Variants in MTRF1L observed in about 807,000 individuals in gnomAD.
MTRF1L encodes mitochondrial translation release factor 1 like, also known as peptide chain release factor 1-like, mitochondrial.
MTRF1L carries 29 observed loss-of-function variants against 40.0 expected under a neutral mutation model. The observed-to-expected ratio is 0.73, with a 90% CI of 0.54 to 0.99. The LOEUF (loss-of-function observed/expected upper bound fraction) is 0.99. Among genes scored for constraint, MTRF1L ranks in the 50% least tolerant of loss-of-function variants. The probability of loss-of-function intolerance (pLI) is 0.00; values close to 1 mark genes in which losing one functional copy is unlikely to be tolerated. For missense variants in MTRF1L, 412 were observed against 464.5 expected (o/e 0.89, Z 1.04); for synonymous variants, 150 against 175.8 (o/e 0.85, Z 1.16).
chr6:152,991,599 T>G (rs901789462), intron 5 of MTRF1L, among the ~76,000 whole-genome samples: 5 of 152,188 alleles, frequency 3.3e-5, no homozygotes, highest in African/African-American at 1.2e-4. Context: ...CAGGCTGGAG[T>G]GCAGTGGCGC....
chr6:153,001,022 CA>C (rs1778898080), intron 1 of MTRF1L, among the ~76,000 whole-genome samples: 1 of 151,948 alleles, frequency 6.6e-6, no homozygotes. Context: ...CACAGGCACG[CA>C]CCACCATGCC....
chr6:152,992,834 A>T (rs1584095916), intron 5 of MTRF1L, 23 bp downstream of exon 5: 1 of 1,549,056 alleles, frequency 6.5e-7, no homozygotes, highest in Middle Eastern at 2.3e-4. Flanking sequence ...TTGGTGTCAT[A>T]TATTGAAGGA....
In MTRF1L at chr6:152,989,696, G is replaced by A. The variant is rs1053141373; in HGVS notation, c.*199C>T. ...TTGGGAATTAACCACAATGTAAATC[G>A]AGGACCATCTGTATATTGTATGATT... On this transcript the variant is annotated 3_prime_UTR_variant, in exon 7 of 7. Transcript: ENST00000367233. The A allele has an allele frequency of 7.1e-5, 41 of 579,326 alleles. No homozygotes were observed. Among genetic ancestry groups the A allele is most frequent in the Non-Finnish European group, 1.1e-4 (40 of 352,756 alleles). The allele number at this position is 579,326 out of a possible 1,614,324, so 35.9% of individuals were successfully genotyped here. A position where few individuals can be genotyped will look rare whatever the true frequency, so the allele number is the denominator to read the frequency against.
intron 3 of MTRF1L, 98 bp from the exon 4 acceptor site, chr6:152,994,774 A>T (rs752632084): frequency 2.2e-6 from 3 of 1,381,256 alleles, no homozygotes; most frequent in Admixed American, 1.7e-5. Flanking sequence ...TTTTAAAGTC[A>T]TAAAAGGAGA....
chr6:153,000,652 C>A (rs1345942985), intron 1 of MTRF1L, among the ~76,000 whole-genome samples: 1 of 152,052 alleles, frequency 6.6e-6, no homozygotes, highest in Non-Finnish European at 1.5e-5. Flanking sequence ...TATTGTCACC[C>A]CTCTTTTCCC....
At chr6:152,997,325 TAA>T (rs1778747817) in intron 2 of MTRF1L, among the ~76,000 whole-genome samples, 1 of 152,336 alleles carries the variant, frequency 6.6e-6, no homozygotes, top group South Asian at 2.1e-4. Flanking sequence ...GTTCAGCTTA[TAA>T]AATTCTGACA....
intron 2 of MTRF1L, among the ~76,000 whole-genome samples, chr6:152,997,850 C>T (rs1778765424): frequency 6.6e-6 from 1 of 151,756 alleles, no homozygotes; most frequent in Non-Finnish European, 1.5e-5. Context: ...TTGGCTCCTC[C>T]TTTTTTTTGT....
Position 153,002,545 on chromosome 6 carries a change from G to C in MTRF1L, c.141C>G (p.Leu47=), listed in dbSNP as rs757275591. The change falls in exon 1 of 7, where the codon CTC becomes CTG. Residue 47 remains leucine, a synonymous_variant. Transcript: ENST00000367233. ...GGGCTTCAGACCCCGCCTGGCGCTC[G>C]AGGAAGGTCCGCAAGGGCCCGCCCC... ...FTRGGPLRTF[L]ERQAGSEAHL... The C allele has an allele frequency of 7.1e-5, 113 of 1,599,004 alleles. No individual in the cohort carries two copies. The highest frequency in any genetic ancestry group is 9.0e-5 in the Non-Finnish European group (106 of 1,173,944).
At position 152,995,252 on chromosome 6, in the gene MTRF1L, C is replaced by T; in HGVS notation, c.407G>A (p.Gly136Glu). ...ENDLILEVTA[G>E]VGGQEAMLFT... ...CAACATTGCCTCCTGACCTCCAACT[C>T]CTGCAGTTACTTCCAGGATCAAATC... The change falls in exon 3 of 7, where the codon GGA (glycine) becomes GAA (glutamate). Residue 136 changes from glycine (G) to glutamate (E), a missense_variant. Transcript: ENST00000367233. 6.2e-7 allele frequency: 1 copy of T among 1,609,752 alleles called. No homozygotes were observed. The highest frequency in any genetic ancestry group is 8.5e-7 in the Non-Finnish European group (1 of 1,177,652).
chr6:152,994,431 T>A, intron 4 of MTRF1L, 82 bp downstream of exon 4: 1 of 1,382,088 alleles, frequency 7.2e-7, no homozygotes, highest in Admixed American at 2.5e-5. Context: ...AGATACTCAA[T>A]TCAGTAAACT....
At chr6:152,990,328 A>AC in intron 6 of MTRF1L, 1 of 578,612 alleles carries the variant, frequency 1.7e-6, no homozygotes, top group Non-Finnish European at 2.8e-6. Flanking sequence ...ATGTTCTATG[A>AC]CCTCGGGCAA....
At chr6:152,995,822 C>T (rs1778696410) in intron 2 of MTRF1L, among the ~76,000 whole-genome samples, 1 of 152,070 alleles carries the variant, frequency 6.6e-6, no homozygotes, top group Non-Finnish European at 1.5e-5. Flanking sequence ...ATTATCTGGT[C>T]CAATTCTTTA....
At chr6:153,002,281 C>A in intron 1 of MTRF1L, 146 bp downstream of exon 1, 1 of 1,224,544 alleles carries the variant, frequency 8.2e-7, no homozygotes, top group Non-Finnish European at 1.2e-6. Flanking sequence ...GATCACAGCA[C>A]GTAATGATGT....
At chr6:152,994,761 T>A in intron 3 of MTRF1L, 85 bp from the exon 4 acceptor site, 1 of 1,522,092 alleles carries the variant, frequency 6.6e-7, no homozygotes, top group Non-Finnish European at 9.1e-7. Flanking sequence ...TCTTGAGGTA[T>A]ATTTTTAAAG....
chr6:152,994,215 CATT>C (rs1414889761), intron 4 of MTRF1L, among the ~76,000 whole-genome samples: 2 of 152,068 alleles, frequency 1.3e-5, no homozygotes, highest in East Asian at 3.9e-4. Context: ...AGGCAGAAGT[CATT>C]ATAAAGGCAA....
chr6:152,998,735 A>C, intron 1 of MTRF1L, 106 bp from the exon 2 acceptor site: 1 of 634,474 alleles, frequency 1.6e-6, no homozygotes, highest in Non-Finnish European at 2.5e-6. Context: ...GGGAAAAATA[A>C]AATGTATATC....
intron 1 of MTRF1L, among the ~76,000 whole-genome samples, chr6:153,000,815 T>C (rs1039699246): frequency 1.3e-5 from 2 of 152,156 alleles, no homozygotes; most frequent in African/African-American, 2.4e-5. Context: ...TAAAGACTTA[T>C]TTCAGTGTGA....
In MTRF1L at chr6:152,989,942, A is replaced by G; in HGVS notation, c.1096T>C (p.Tyr366His). The G allele has an allele frequency of 2.5e-6, 4 of 1,613,542 alleles. No individual in the cohort carries two copies. Among genetic ancestry groups the G allele is most frequent in the Non-Finnish European group, 3.4e-6 (4 of 1,179,784 alleles). ...TCTACTAAAGATTCATAATCGGCGTATTCCTTCAATGACTGTACAAGTTCA... is the reference window on the plus strand; with the variant it reads ...TCTACTAAAGATTCATAATCGGCGTGTTCCTTCAATGACTGTACAAGTTCA... ...LDELVQSLKE[Y>H]ADYESLVEII... The change falls in exon 7 of 7, where the codon TAC becomes CAC. Residue 366 changes from tyrosine to histidine, a missense_variant. Transcript: ENST00000367233.
intron 5 of MTRF1L, 98 bp downstream of exon 5, chr6:152,992,759 C>G: frequency 4.6e-6 from 4 of 870,770 alleles, no homozygotes; most frequent in Non-Finnish European, 7.4e-6. Flanking sequence ...GAAGTATATA[C>G]TTCTCTGGTA....
Sources: allele counts gnomAD v4.1 joint callset (sites outside exome capture counted in the v4.1 genomes callset), GRCh38; gene constraint gnomAD v4.1.1; transcripts MANE v1.5; gene names NCBI Gene and HGNC (gene_info 2026-07-23, HGNC 2026-07-21).